The following SCARA5 variants were observed in gnomAD, a reference collection of about 807,000 sequenced individuals.
SCARA5 encodes the protein scavenger receptor class A member 5.
Under a neutral mutation model 46.3 loss-of-function variants are expected in SCARA5, and 45 were observed. The ratio of observed to expected loss-of-function variants is 0.97; its 90% CI spans 0.76 to 1.24. The LOEUF (loss-of-function observed/expected upper bound fraction) is 1.24, where lower values mean the gene tolerates loss of function less well. Ranked by LOEUF, SCARA5 falls within the 50% of genes most tolerant of loss-of-function variation. SCARA5 has a pLI of 0.00. For missense variants in SCARA5, 680 were observed against 689.0 expected (o/e 0.99, Z 0.15); for synonymous variants, 333 against 306.5 (o/e 1.09, Z -0.90).
intron 8 of SCARA5, among the ~76,000 whole-genome samples, chr8:27,878,835 T>C (rs1243258308): frequency 6.6e-6 from 1 of 152,208 alleles, no homozygotes; most frequent in Non-Finnish European, 1.5e-5. Context: ...ACGCCTGTAA[T>C]CCCAGCACTT....
At chr8:27,904,928 G>C (rs1336179285) in intron 6 of SCARA5, 94 bp from the exon 7 acceptor site, 4 of 1,151,826 alleles carry the variant, frequency 3.5e-6, no homozygotes, top group Non-Finnish European at 5.1e-6. Context: ...CTCGAGACCA[G>C]AGAAACCCTC....
chr8:27,958,046 T>C (rs1808232675), intron 3 of SCARA5, among the ~76,000 whole-genome samples: 1 of 152,216 alleles, frequency 6.6e-6, no homozygotes, highest in African/African-American at 2.4e-5. Context: ...TGGCTGGATT[T>C]GGCTCTTTGC....
intron 3 of SCARA5, among the ~76,000 whole-genome samples, chr8:27,954,485 CTTT>C (rs1192737028): frequency 6.6e-6 from 1 of 152,164 alleles, no homozygotes; most frequent in Non-Finnish European, 1.5e-5. Context: ...AAGGGGTGCT[CTTT>C]TTTTCCCTTA....
In SCARA5 at chr8:27,879,775, G is replaced by A; in HGVS notation, c.1154-9C>T. 6.2e-7 allele frequency: 1 copy of A among 1,612,030 alleles called. No individual in the cohort carries two copies. The highest frequency in any genetic ancestry group is 1.1e-5 in the South Asian group (1 of 91,050). On this transcript the variant is annotated splice_polypyrimidine_tract_variant and intron_variant, in intron 7 of 8. Coordinates refer to ENST00000354914, the MANE Select transcript of SCARA5 (RefSeq NM_173833.6). Reference sequence around the variant, plus strand: ...CGGGGCCTCCACGCCACCTGCCGGAGCAGCCAACTGTCACTACCCAGCTCT... The same window carrying A: ...CGGGGCCTCCACGCCACCTGCCGGAACAGCCAACTGTCACTACCCAGCTCT...
At chr8:27,974,176 C>T (rs1808487890) in intron 2 of SCARA5, among the ~76,000 whole-genome samples, 1 of 152,150 alleles carries the variant, frequency 6.6e-6, no homozygotes. Flanking sequence ...TCTCACAGTG[C>T]TTCGGGGGAA....
intron 8 of SCARA5, among the ~76,000 whole-genome samples, chr8:27,879,270 G>A (rs1427700846): frequency 2.0e-5 from 3 of 152,154 alleles, no homozygotes; most frequent in African/African-American, 7.2e-5. Context: ...GCTAGCCAGG[G>A]AGAGAGAGAC....
At chr8:27,896,623 G>T (rs1035884064) in intron 7 of SCARA5, among the ~76,000 whole-genome samples, 1 of 152,064 alleles carries the variant, frequency 6.6e-6, no homozygotes, top group Non-Finnish European at 1.5e-5. Flanking sequence ...CAACCCCTGA[G>T]GATCATGGTG....
At chr8:27,965,115 G>C (rs1349330611) in intron 3 of SCARA5, among the ~76,000 whole-genome samples, 1 of 152,110 alleles carries the variant, frequency 6.6e-6, no homozygotes, top group African/African-American at 2.4e-5. Flanking sequence ...CTGCCCCTCA[G>C]GTTGCTCATT....
At chr8:27,885,210 T>G (rs1471025691) in intron 7 of SCARA5, among the ~76,000 whole-genome samples, 1 of 152,136 alleles carries the variant, frequency 6.6e-6, no homozygotes, top group African/African-American at 2.4e-5. Context: ...GGTGCCATTT[T>G]GGACGAGTAG....
At chr8:27,876,225 G>A (rs2129659759) in intron 8 of SCARA5, among the ~76,000 whole-genome samples, 1 of 152,296 alleles carries the variant, frequency 6.6e-6, no homozygotes, top group East Asian at 1.9e-4. Flanking sequence ...TTCAATAGCG[G>A]AAGAACTGAA....
chr8:27,951,410 A>G (rs1808124332), intron 3 of SCARA5, among the ~76,000 whole-genome samples: 1 of 152,200 alleles, frequency 6.6e-6, no homozygotes, highest in Admixed American at 6.5e-5. Context: ...AGCCCCCAAC[A>G]GAACCTTTAA....
chr8:27,899,212 G>T (rs912394587), intron 7 of SCARA5, among the ~76,000 whole-genome samples: 24 of 152,192 alleles, frequency 1.6e-4, no homozygotes, highest in African/African-American at 5.8e-4. Context: ...TACCCTGTGG[G>T]GTCTTCACTA....
intron 4 of SCARA5, among the ~76,000 whole-genome samples, chr8:27,914,756 C>T (rs1331576076): frequency 6.6e-6 from 1 of 152,194 alleles, no homozygotes; most frequent in East Asian, 1.9e-4. Flanking sequence ...GGTCCCTGCT[C>T]AGGCTTTGTC....
At chr8:27,927,505 CTAATAT>C (rs1340415649) in intron 3 of SCARA5, among the ~76,000 whole-genome samples, 9 of 152,210 alleles carry the variant, frequency 5.9e-5, no homozygotes, top group Admixed American at 3.9e-4. Flanking sequence ...TTTTTCCCAC[CTAATAT>C]TATTATTATA....
intron 3 of SCARA5, among the ~76,000 whole-genome samples, chr8:27,928,366 G>A (rs1350916231): frequency 6.6e-6 from 1 of 152,188 alleles, no homozygotes; most frequent in Non-Finnish European, 1.5e-5. Context: ...GTAATACCAA[G>A]TGGCTTTCCC....
chr8:27,928,212 A>G (rs928876090), intron 3 of SCARA5, among the ~76,000 whole-genome samples: 3 of 152,220 alleles, frequency 2.0e-5, no homozygotes, highest in African/African-American at 4.8e-5. Context: ...TCAACAGGGA[A>G]TAATTCTTAG....
At chr8:27,880,269 A>G (rs1193111491) in intron 7 of SCARA5, among the ~76,000 whole-genome samples, 3 of 152,200 alleles carry the variant, frequency 2.0e-5, no homozygotes, top group Non-Finnish European at 2.9e-5. Flanking sequence ...CCTGGGAAAC[A>G]TTATTCTGGA....
At chr8:27,900,782 G>A (rs1294386859) in intron 7 of SCARA5, among the ~76,000 whole-genome samples, 1 of 143,116 alleles carries the variant, frequency 7.0e-6, no homozygotes, top group Admixed American at 7.0e-5. Context: ...ATATGTATAC[G>A]TAGCGGGTTT....
chr8:27,974,180 G>A (rs4449745), intron 2 of SCARA5, among the ~76,000 whole-genome samples: 34 of 152,184 alleles, frequency 2.2e-4, no homozygotes, highest in Admixed American at 1.4e-3. Context: ...ACAGTGCTTC[G>A]GGGGAAAAGC....
Sources: gnomAD v4.1 joint callset for allele counts (sites outside exome capture counted in the v4.1 genomes callset) on GRCh38, gnomAD v4.1.1 for gene constraint, MANE v1.5 for transcripts, NCBI Gene and HGNC (gene_info 2026-07-23, HGNC 2026-07-21) for gene names.